Variants in ABCA6 observed in about 807,000 individuals in gnomAD.
ABCA6 encodes the protein ATP-binding cassette sub-family A member 6.
A neutral mutation model predicts 191.2 loss-of-function variants in ABCA6; 164 were observed. The observed-to-expected ratio is 0.86, with a 90% CI of 0.76 to 0.98. The LOEUF is 0.98. ABCA6 is among the 50% of genes least tolerant of loss of function. The pLI is 0.00. For synonymous variants in ABCA6, 636 were observed against 647.7 expected, an observed-to-expected ratio of 0.98 and a Z score of 0.27; for missense variants, 1,958 against 1,894.1, an observed-to-expected ratio of 1.03 and a Z score of -0.63.
At chr17:69,133,503 T>G (rs758581591) in intron 6 of ABCA6, 138 bp downstream of exon 6, 57 of 664,446 alleles carry the variant, frequency 8.6e-5, no homozygotes, top group Non-Finnish European at 1.3e-4. Flanking sequence ...TTTAACAGAC[T>G]AAGTAAAAAA....
chr17:69,118,013 C>A (rs2073569125), intron 10 of ABCA6, 57 bp from the exon 11 acceptor site: 2 of 1,213,678 alleles, frequency 1.6e-6, no homozygotes, highest in Non-Finnish European at 2.4e-6. Context: ...ATAGCACGGG[C>A]CATTTATAGC....
Position 69,105,462 on chromosome 17 carries a change from CTG to C in ABCA6, c.2738_2739del (p.Thr913ArgfsTer5). 6.2e-7 allele frequency: 1 copy of C among 1,600,564 alleles called. No homozygotes were observed. The highest frequency in any genetic ancestry group is 1.3e-5 in the African/African-American group (1 of 74,222). ...ATTTAAATTTTATTTTTCTTTTCACCTGTGTTATTGATGATCAACAGGCTGGT... is the reference window on the plus strand; with the variant it reads ...ATTTAAATTTTATTTTTCTTTTCACCTGTTATTGATGATCAACAGGCTGGT... ...PRTSLLIINN[T>X]ESNIEDFIKS... On this transcript the variant is annotated frameshift_variant and splice_region_variant, in exon 20 of 39. Coordinates refer to ENST00000284425, the MANE Select transcript of ABCA6 (RefSeq NM_080284.3). LOFTEE classifies it high-confidence loss of function.
intron 6 of ABCA6, among the ~76,000 whole-genome samples, chr17:69,131,053 C>T (rs1038541135): frequency 1.1e-4 from 17 of 152,232 alleles, no homozygotes; most frequent in African/African-American, 2.6e-4. Flanking sequence ...TTTTAGCCCA[C>T]GTGTCTCATT....
At position 69,110,903 on chromosome 17, in the gene ABCA6, T is replaced by C. The variant is rs1280345080; in HGVS notation, c.2170A>G (p.Thr724Ala). 6.2e-7 allele frequency: 1 copy of C among 1,610,794 alleles called. No homozygotes were observed. The highest frequency in any genetic ancestry group is 8.5e-7 in the Non-Finnish European group (1 of 1,178,368). The change falls in exon 17 of 39, where the codon ACA (threonine) becomes GCA (alanine). Residue 724 changes from threonine (T) to alanine (A), a missense_variant. By Grantham distance (58) the Thr-to-Ala change is moderately conservative. Coordinates refer to ENST00000284425, the MANE Select transcript of ABCA6 (RefSeq NM_080284.3). ...RNEICNPEQI[T>A]SFITHHIPDA... is the part of the protein sequence containing the mutation. ...GGGATGTGATGAGTAATGAAGGATG[T>C]TATTTGTTCTGGGTTACATATTTCA...
At chr17:69,107,874 A>T (rs2073339278) in intron 17 of ABCA6, 62 bp from the exon 18 acceptor site, 1 of 930,904 alleles carries the variant, frequency 1.1e-6, no homozygotes, top group South Asian at 1.4e-5. Flanking sequence ...AACCAAGTAA[A>T]TTAATACTTA....
chr17:69,094,751 T>C, intron 25 of ABCA6: 1 of 165,348 alleles, frequency 6.0e-6, no homozygotes, highest in Non-Finnish European at 1.3e-5. Context: ...TAGCAAAAAA[T>C]GTGTCCATCT....
Position 69,124,952 on chromosome 17 carries a change from A to G in ABCA6, c.1203T>C (p.Ser401=), listed in dbSNP as rs761865208. ...AGATGAGACCATCCAAAAGCAACATAGAAAAAGTTGCTATCATTGTATATG... is the reference window on the plus strand; with the variant it reads ...AGATGAGACCATCCAAAAGCAACATGGAAAAAGTTGCTATCATTGTATATG... ...GDSYTMIATF[S]MLLLDGLIYL... Residue 401 remains serine (S), a synonymous_variant, in exon 9 of 39, where the codon TCT becomes TCC. Transcript: ENST00000284425. The G allele has an allele frequency of 7.0e-5, 110 of 1,574,546 alleles. No individual in the cohort carries two copies. The highest frequency in any genetic ancestry group is 1.7e-4 in the Middle Eastern group (1 of 5,932).
At chr17:69,120,726 AT>A (rs2073624811) in intron 10 of ABCA6, among the ~76,000 whole-genome samples, 2 of 152,008 alleles carry the variant, frequency 1.3e-5, no homozygotes, top group Non-Finnish European at 2.9e-5. Flanking sequence ...TTGTTTCTGG[AT>A]TTTAGACATG....
In ABCA6 at chr17:69,105,606, T is replaced by C. The variant is rs1158893424; in HGVS notation, c.2596A>G (p.Ile866Val). 2.6e-6 allele frequency: 4 copies of C among 1,513,626 alleles called. No homozygotes were observed. The highest frequency in any genetic ancestry group is 1.8e-5 in the Admixed American group (1 of 55,010). The allele number at this position is 1,513,626 out of a possible 1,614,324, so 93.8% of individuals were successfully genotyped here. Residue 866 changes from isoleucine (I) to valine (V), a missense_variant, in exon 20 of 39, where the codon ATA becomes GTA. By Grantham distance (29) the Ile-to-Val change is conservative (BLOSUM62 3). Coordinates refer to ENST00000284425, the MANE Select transcript of ABCA6 (RefSeq NM_080284.3). ...LTLLLVFGIA[I>V]FPLIVENIMY... is the part of the protein sequence containing the mutation. ...ATATTTTCAACAATCAAAGGGAATA[T>C]TGCGATTCCAAATACCAATAATCTA...
chr17:69,079,204 A>G lies in ABCA6; in HGVS notation c.4752+6T>C. ...AGATGATACAAAGTCAAACCACTTG[A>G]CTTACCTTCTCCAGTGTGCACTGAG... On this transcript the variant is annotated splice_donor_region_variant and intron_variant, in intron 38 of 38. Transcript: ENST00000284425. The G allele has an allele frequency of 6.2e-7, 1 of 1,608,446 alleles. No homozygotes were observed.
chr17:69,103,234 T>C (rs1034068101), intron 20 of ABCA6, among the ~76,000 whole-genome samples: 2 of 152,140 alleles, frequency 1.3e-5, no homozygotes, highest in African/African-American at 4.8e-5. Flanking sequence ...ATTGTATGAC[T>C]TTTGGTAAAC....
Position 69,105,465 on chromosome 17 carries a change from T to G in ABCA6, c.2737A>C (p.Thr913Pro), listed in dbSNP as rs747133782. 6.2e-7 allele frequency: 1 copy of G among 1,605,334 alleles called. No individual in the cohort carries two copies. Among genetic ancestry groups the G allele is most frequent in the South Asian group, 1.1e-5 (1 of 88,488 alleles). Reference sequence around the variant, plus strand: ...TAAATTTTATTTTTCTTTTCACCTGTGTTATTGATGATCAACAGGCTGGTA... The same window carrying G: ...TAAATTTTATTTTTCTTTTCACCTGGGTTATTGATGATCAACAGGCTGGTA... Reference protein sequence around the residue: ...PRTSLLIINNTESNIEDFIKS... With the variant: ...PRTSLLIINNPESNIEDFIKS... Residue 913 changes from threonine to proline, a missense_variant, in exon 20 of 39, where the codon ACA becomes CCA. Transcript: ENST00000284425.
rs371022782 is a variant in ABCA6, at chr17:69,128,731, G to C, written c.1007C>G (p.Thr336Ser). ...GAATCCCAGACATCCCCAAAAGAGG[G>C]TAAGGAGAAACACAACCAAATTGGT... ...VLTNLVVFLL[T>S]LFWGCLGFTV... Residue 336 changes from threonine (T) to serine (S), a missense_variant, in exon 8 of 39, where the codon ACC becomes AGC. Coordinates refer to ENST00000284425, the MANE Select transcript of ABCA6 (RefSeq NM_080284.3). 3 of 1,612,720 alleles carry C rather than the reference G, an allele frequency of 1.9e-6. No homozygotes were observed. The highest frequency in any genetic ancestry group is 2.5e-6 in the Non-Finnish European group (3 of 1,179,310).
At position 69,085,033 on chromosome 17, in the gene ABCA6, G is replaced by T. The variant is rs1421714595; in HGVS notation, c.4179C>A (p.Ile1393=). The T allele has an allele frequency of 1.2e-6, 2 of 1,608,968 alleles. No homozygotes were observed. Among genetic ancestry groups the T allele is most frequent in the Admixed American group, 1.7e-5 (1 of 58,090 alleles). ...ATCGCAGGTCCCGTCTGTACCTTGCGATGGCGAGCCTCGCGTCCGCTTTCC... is the reference window on the plus strand; with the variant it reads ...ATCGCAGGTCCCGTCTGTACCTTGCTATGGCGAGCCTCGCGTCCGCTTTCC... ...GLRKADARLA[I]ARLVSAFKLH... The change falls in exon 32 of 39, where the codon ATC becomes ATA. Residue 1393 remains isoleucine (I), a synonymous_variant. Coordinates refer to ENST00000284425, the MANE Select transcript of ABCA6 (RefSeq NM_080284.3).
chr17:69,117,987 C>A (rs777016411), intron 10 of ABCA6, 31 bp from the exon 11 acceptor site: 8 of 1,516,276 alleles, frequency 5.3e-6, no homozygotes, highest in Non-Finnish European at 7.2e-6. Context: ...CTTACTTAGC[C>A]AACACAGAAG....
chr17:69,083,053 C>T, intron 35 of ABCA6, 40 bp from the exon 36 acceptor site: 2 of 1,602,284 alleles, frequency 1.2e-6, no homozygotes, highest in Non-Finnish European at 1.7e-6. Flanking sequence ...AAAATATTGC[C>T]CTTAATTTTT....
At chr17:69,103,072 C>T (rs1001570687) in intron 20 of ABCA6, 104 bp from the exon 21 acceptor site, 3 of 667,458 alleles carry the variant, frequency 4.5e-6, no homozygotes, top group South Asian at 2.4e-5. Flanking sequence ...TTATGGAATA[C>T]TATGTATAAA....
At chr17:69,095,744 C>A (rs996367360) in intron 25 of ABCA6, among the ~76,000 whole-genome samples, 4 of 152,170 alleles carry the variant, frequency 2.6e-5, no homozygotes, top group Admixed American at 6.5e-5. Flanking sequence ...GGACTCAGGG[C>A]ACTCTGGTGT....
intron 25 of ABCA6, among the ~76,000 whole-genome samples, 181 bp from the exon 26 acceptor site, chr17:69,091,443 G>T (rs184169455): frequency 1.5e-4 from 23 of 152,214 alleles, no homozygotes; most frequent in East Asian, 3.9e-4. Context: ...TTGTTAACAA[G>T]AATACATTAT....
Sources: allele counts gnomAD v4.1 joint callset (sites outside exome capture counted in the v4.1 genomes callset), GRCh38; gene constraint gnomAD v4.1.1; transcripts MANE v1.5; gene names NCBI Gene and HGNC (gene_info 2026-07-23, HGNC 2026-07-21).